ZSWIM5: variants seen among roughly 807,000 people sequenced by gnomAD.
ZSWIM5 encodes zinc finger SWIM domain-containing protein 5.
A neutral mutation model predicts 119.6 loss-of-function variants in ZSWIM5; 55 were observed. The ratio of observed to expected loss-of-function variants is 0.46; its 90% CI spans 0.37 to 0.58. The LOEUF (loss-of-function observed/expected upper bound fraction) is 0.58, where lower values mean the gene tolerates loss of function less well. Among genes scored for constraint, ZSWIM5 ranks in the 20% least tolerant of loss-of-function variants. ZSWIM5 has a pLI of 0.00. For synonymous variants in ZSWIM5, 537 were observed against 606.9 expected, an observed-to-expected ratio of 0.88 and a Z score of 1.69; for missense variants, 1,193 against 1,512.8, an observed-to-expected ratio of 0.79 and a Z score of 3.51.
At chr1:45,038,540 G>A (rs1644999126) in intron 8 of ZSWIM5, among the ~76,000 whole-genome samples, 2 of 142,190 alleles carry the variant, frequency 1.4e-5, no homozygotes, top group Non-Finnish European at 3.1e-5. Context: ...GACAAGAGGG[G>A]GAAAAAACTT....
At chr1:45,044,269 C>T (rs150602437) in intron 5 of ZSWIM5, among the ~76,000 whole-genome samples, 250 of 151,670 alleles carry the variant, frequency 1.6e-3, no homozygotes, top group Middle Eastern at 3.5e-3. Flanking sequence ...TATCTGCAGG[C>T]TTACAGTCTT....
intron 1 of ZSWIM5, among the ~76,000 whole-genome samples, chr1:45,192,913 G>C (rs1159334381): frequency 6.6e-6 from 1 of 152,070 alleles, no homozygotes; most frequent in Non-Finnish European, 1.5e-5. Flanking sequence ...GTGCTGTTGA[G>C]CATCTTTTCT....
At chr1:45,134,951 T>C (rs1024489732) in intron 1 of ZSWIM5, among the ~76,000 whole-genome samples, 7 of 152,228 alleles carry the variant, frequency 4.6e-5, no homozygotes, top group Admixed American at 4.6e-4. Flanking sequence ...TCATTGTATG[T>C]ATATAACACC....
intron 1 of ZSWIM5, among the ~76,000 whole-genome samples, chr1:45,174,067 G>A (rs1389944581): frequency 6.6e-6 from 1 of 152,050 alleles, no homozygotes; most frequent in Non-Finnish European, 1.5e-5. Flanking sequence ...TTGAGGTCAG[G>A]AATTTGAGAC....
At chr1:45,073,086 T>C (rs1645233789) in intron 2 of ZSWIM5, among the ~76,000 whole-genome samples, 1 of 151,862 alleles carries the variant, frequency 6.6e-6, no homozygotes, top group South Asian at 2.1e-4. Context: ...TGGTGTCTTC[T>C]TCAATTTCTT....
intron 1 of ZSWIM5, among the ~76,000 whole-genome samples, chr1:45,166,804 G>A (rs1004260799): frequency 2.6e-5 from 4 of 152,102 alleles, no homozygotes; most frequent in Non-Finnish European, 5.9e-5. Flanking sequence ...ACAAACCACT[G>A]CTCAACAAAA....
chr1:45,204,120 AAT>A (rs1263963333), intron 1 of ZSWIM5, among the ~76,000 whole-genome samples: 2 of 152,136 alleles, frequency 1.3e-5, no homozygotes, highest in Admixed American at 1.3e-4. Context: ...TTACTTTAAA[AAT>A]AGACACCTCT....
rs998824389 is a variant in ZSWIM5 at position 45,125,883 on chromosome 1, T to A, written c.596-37646A>T. Among the ~76,000 whole-genome samples, 2 of 150,572 alleles carry A rather than the reference T, an allele frequency of 1.3e-5. 1 individual carries two copies. The highest frequency in any genetic ancestry group is 4.2e-4 in the South Asian group (2 of 4,772). ...GAGTTTGAGATCAGCTTGGGCAGCA[T>A]AGCAATATCTTATCTCTACAAAAAA... On this transcript the variant is annotated intron_variant, in intron 1 of 13. Coordinates refer to ENST00000359600, the MANE Select transcript of ZSWIM5 (RefSeq NM_020883.2).
chr1:45,144,702 T>C (rs76347276), intron 1 of ZSWIM5, among the ~76,000 whole-genome samples: 2,459 of 152,284 alleles, frequency 0.016, 86 homozygotes, highest in African/African-American at 0.057. Flanking sequence ...TGTACAAAAA[T>C]GTTTAAACTG....
At chr1:45,119,522 T>C (rs1645578507) in intron 1 of ZSWIM5, among the ~76,000 whole-genome samples, 1 of 152,206 alleles carries the variant, frequency 6.6e-6, no homozygotes, top group African/African-American at 2.4e-5. Context: ...GCTATTATCT[T>C]GCGGGGTAAG....
chr1:45,103,388 C>T (rs535401070), intron 1 of ZSWIM5, among the ~76,000 whole-genome samples: 18 of 152,086 alleles, frequency 1.2e-4, no homozygotes, highest in Admixed American at 9.2e-4. Context: ...TCCCTGTTTC[C>T]GATAAGAAAA....
At chr1:45,172,379 G>C (rs1645950795) in intron 1 of ZSWIM5, among the ~76,000 whole-genome samples, 2 of 151,998 alleles carry the variant, frequency 1.3e-5, no homozygotes. Context: ...AATAACTGAA[G>C]AACGCAGAAC....
intron 1 of ZSWIM5, among the ~76,000 whole-genome samples, chr1:45,178,444 A>T (rs780388907): frequency 4.6e-5 from 7 of 152,136 alleles, no homozygotes; most frequent in Non-Finnish European, 8.8e-5. Context: ...CAAAACAAAA[A>T]TTAGACAAAT....
chr1:45,190,098 G>C (rs2149052708), intron 1 of ZSWIM5, among the ~76,000 whole-genome samples: 1 of 152,250 alleles, frequency 6.6e-6, no homozygotes, highest in East Asian at 1.9e-4. Flanking sequence ...CAGACTGCTT[G>C]AACTCAGGAG....
In ZSWIM5 at chr1:45,033,925, C is replaced by T. The variant is rs553803776; in HGVS notation, c.2449+387G>A. On this transcript the variant is annotated intron_variant, in intron 11 of 13. Coordinates refer to ENST00000359600, the MANE Select transcript of ZSWIM5 (RefSeq NM_020883.2). The stretch of plus-strand genomic sequence containing the variant: ...TCACCCAGGCTGGAGTGCAGTGGCA[C>T]GATCTTGGCTCACTGCAAGCTCTGC... Among the ~76,000 whole-genome samples, 6 of 151,714 alleles carry T rather than the reference C, an allele frequency of 4.0e-5. No homozygotes were observed. In the East Asian group the frequency reaches 5.8e-4, roughly 15 times the overall value.
intron 1 of ZSWIM5, among the ~76,000 whole-genome samples, chr1:45,182,213 G>A (rs1044506147): frequency 1.3e-5 from 2 of 152,040 alleles, no homozygotes; most frequent in African/African-American, 4.8e-5. Context: ...TCAGGAGATC[G>A]AGACCACGGT....
At chr1:45,096,162 T>C (rs1180017001) in intron 1 of ZSWIM5, among the ~76,000 whole-genome samples, 2 of 152,178 alleles carry the variant, frequency 1.3e-5, no homozygotes, top group Non-Finnish European at 2.9e-5. Flanking sequence ...AACAGTCTAT[T>C]TTATTAGTTA....
intron 1 of ZSWIM5, among the ~76,000 whole-genome samples, chr1:45,173,724 A>G (rs115004324): frequency 1.3e-3 from 192 of 152,272 alleles, no homozygotes; most frequent in African/African-American, 4.0e-3. Flanking sequence ...ATAAATTATA[A>G]CATGTTAAAT....
At chr1:45,181,346 G>C (rs1423935877) in intron 1 of ZSWIM5, among the ~76,000 whole-genome samples, 3 of 152,002 alleles carry the variant, frequency 2.0e-5, no homozygotes, top group Non-Finnish European at 4.4e-5. Context: ...GATGGAAGAT[G>C]AAATGAATGA....
Sources: allele counts gnomAD v4.1 joint callset (sites outside exome capture counted in the v4.1 genomes callset), GRCh38; gene constraint gnomAD v4.1.1; transcripts MANE v1.5; gene names NCBI Gene and HGNC (gene_info 2026-07-23, HGNC 2026-07-21).